The following YME1L1 variants were observed in gnomAD, a reference collection of about 807,000 sequenced individuals.
YME1L1 encodes the protein YME1 like 1 ATPase.
A neutral mutation model predicts 90.4 loss-of-function variants in YME1L1; 39 were observed. The ratio of observed to expected loss-of-function variants is 0.43; its 90% CI spans 0.33 to 0.56. The LOEUF is 0.56. Among genes scored for constraint, YME1L1 ranks in the 20% least tolerant of loss-of-function variants. The probability of loss-of-function intolerance (pLI) is 0.03; values close to 1 mark genes in which losing one functional copy is unlikely to be tolerated. For missense variants in YME1L1, 617 were observed against 868.4 expected (o/e 0.71, Z 3.64); for synonymous variants, 284 against 287.3 (o/e 0.99, Z 0.12).
chr10:27,152,441 G>A (rs1057514353), intron 1 of YME1L1, among the ~76,000 whole-genome samples: 1 of 152,106 alleles, frequency 6.6e-6, no homozygotes, highest in African/African-American at 2.4e-5. Flanking sequence ...CTATATTTGA[G>A]CCCTGTTAAG....
intron 5 of YME1L1, 40 bp downstream of exon 5, chr10:27,136,236 G>T: frequency 6.5e-7 from 1 of 1,538,126 alleles, no homozygotes; most frequent in Non-Finnish European, 8.9e-7. Context: ...CTAACAACTT[G>T]AAAATATTTG....
chr10:27,112,871 C>G (rs537206477), intron 18 of YME1L1, among the ~76,000 whole-genome samples: 17 of 152,040 alleles, frequency 1.1e-4, no homozygotes, highest in African/African-American at 3.1e-4. Flanking sequence ...GCTAATTTTT[C>G]TATGTTTTGT....
chr10:27,139,209 A>C (rs1190849470), intron 4 of YME1L1, among the ~76,000 whole-genome samples: 1 of 151,958 alleles, frequency 6.6e-6, no homozygotes, highest in African/African-American at 2.4e-5. Flanking sequence ...ACATATATAT[A>C]TTTTTTAGAT....
chr10:27,115,571 T>C (rs1011681728), intron 17 of YME1L1, among the ~76,000 whole-genome samples: 4 of 152,018 alleles, frequency 2.6e-5, no homozygotes, highest in Admixed American at 2.0e-4. Flanking sequence ...CTCCTCAGCC[T>C]CCCAAAGTGC....
chr10:27,141,827 A>G (rs932530997), intron 4 of YME1L1, among the ~76,000 whole-genome samples: 1 of 152,116 alleles, frequency 6.6e-6, no homozygotes, highest in African/African-American at 2.4e-5. Context: ...AAACAGAAGT[A>G]CTCACCTCTT....
chr10:27,122,516 T>A (rs915893516), intron 11 of YME1L1, among the ~76,000 whole-genome samples: 7 of 152,194 alleles, frequency 4.6e-5, no homozygotes, highest in Non-Finnish European at 8.8e-5. Flanking sequence ...CTGTATTTCT[T>A]CAAATAGACT....
chr10:27,136,447 A>G (rs2057028110), intron 4 of YME1L1, 62 bp from the exon 5 acceptor site: 4 of 1,373,484 alleles, frequency 2.9e-6, no homozygotes, highest in Non-Finnish European at 4.1e-6. Flanking sequence ...AAAATGCCTA[A>G]GATTCTAAAG....
In YME1L1 at chr10:27,134,053, T is replaced by A. The variant is rs1416928737; in HGVS notation, c.761A>T (p.Asn254Ile). The part of the protein sequence containing the change: ...LLFGIYGLLK[N>I]PFLSVRFRTT... ...AAAGCTTTTACCAGATAAAAATGGG[T>A]TTTTTAGAAGTCCATAAATGCCGAA... The change falls in exon 7 of 19, where the codon AAC becomes ATC. Residue 254 changes from asparagine (N) to isoleucine (I), a missense_variant. Physicochemically the swap from Asn to Ile is moderately radical, Grantham distance 149 (BLOSUM62 -3). Around this residue, in one of 4 missense-constraint regions of YME1L1, gnomAD observed 311 missense variants for 335.8 expected, o/e 0.93. Transcript: ENST00000376016. The A allele has an allele frequency of 5.6e-6, 9 of 1,611,792 alleles. No individual in the cohort carries two copies.
intron 18 of YME1L1, among the ~76,000 whole-genome samples, chr10:27,112,748 T>G (rs2056771089): frequency 6.6e-6 from 1 of 152,016 alleles, no homozygotes; most frequent in South Asian, 2.1e-4. Context: ...TTGCTTAGGC[T>G]GGAGTGAAGT....
chr10:27,143,451 G>A (rs959730398), intron 3 of YME1L1, among the ~76,000 whole-genome samples: 4 of 152,090 alleles, frequency 2.6e-5, no homozygotes, highest in African/African-American at 9.7e-5. Context: ...TGTAATCCCA[G>A]CACTTTGGGA....
chr10:27,133,065 T>A (rs985392846), intron 7 of YME1L1, among the ~76,000 whole-genome samples: 8 of 152,140 alleles, frequency 5.3e-5, no homozygotes, highest in African/African-American at 1.9e-4. Flanking sequence ...TTCTAATTGG[T>A]CACAGGTCTA....
chr10:27,151,136 A>T (rs2057210047), intron 1 of YME1L1, among the ~76,000 whole-genome samples: 1 of 152,198 alleles, frequency 6.6e-6, no homozygotes, highest in East Asian at 1.9e-4. Context: ...CATGTTAGCC[A>T]GGATCTTGAT....
Position 27,147,848 on chromosome 10 carries a change from G to GT in YME1L1, c.168+1057dup, listed in dbSNP as rs2057163045. ...AGCAGCTTCCCCTGGCACCACTCGT[G>GT]TAACAGCTTCTCTAGTAGGACACAT... On this transcript the variant is annotated intron_variant, in intron 2 of 18. Coordinates refer to ENST00000376016, the MANE Select transcript of YME1L1 (RefSeq NM_014263.4). Among the ~76,000 whole-genome samples, 3 of 152,298 alleles carry GT rather than the reference G, an allele frequency of 2.0e-5. No individual in the cohort carries two copies. The East Asian group carries it at 5.8e-4, about 29-fold the overall frequency.
At position 27,126,677 on chromosome 10, in the gene YME1L1, TAAAGA is replaced by T; in HGVS notation, c.949+14_949+18del. 1 of 1,328,390 alleles carries T rather than the reference TAAAGA, an allele frequency of 7.5e-7. No homozygotes were observed. Among genetic ancestry groups the T allele is most frequent in the African/African-American group, 1.5e-5 (1 of 66,408 alleles). 82.3% of individuals were successfully genotyped at this position (1,328,390 alleles called of 1,614,324 possible). A position where few individuals can be genotyped will look rare whatever the true frequency, so the allele number is the denominator to read the frequency against. ...TTTTGTTTTTTCCATCAAATCATGA[TAAAGA>T]AAAGATATCTTACCTTTTGGAAGTT... On this transcript the variant is annotated intron_variant, in intron 9 of 18. Coordinates refer to ENST00000376016, the MANE Select transcript of YME1L1 (RefSeq NM_014263.4).
At position 27,117,791 on chromosome 10, in the gene YME1L1, T is replaced by C; in HGVS notation, c.1568-64A>G. On this transcript the variant is annotated intron_variant, in intron 14 of 18. Transcript: ENST00000376016. ...GGTATATTTAAATCAACAAAACACA[T>C]TCTTGTCTGCAAATCAAATACACTC... 1.9e-6 allele frequency: 3 copies of C among 1,540,518 alleles called. No homozygotes were observed. The Admixed American group carries it at 5.2e-5, about 27-fold the overall frequency.
At chr10:27,117,261 G>A (rs577660443) in intron 15 of YME1L1, among the ~76,000 whole-genome samples, 12 of 152,236 alleles carry the variant, frequency 7.9e-5, no homozygotes, top group Admixed American at 3.3e-4. Context: ...TTGGGGCAGC[G>A]GAGTAATTAG....
At chr10:27,139,184 GATAC>G (rs1381836399) in intron 4 of YME1L1, among the ~76,000 whole-genome samples, 1 of 151,980 alleles carries the variant, frequency 6.6e-6, no homozygotes, top group East Asian at 1.9e-4. Context: ...TTCAGACACA[GATAC>G]ATACATATAT....
rs973776271 is a variant in YME1L1, at chr10:27,110,498, A to G, written c.*1479T>C. The G allele has an allele frequency of 2.0e-5, 3 of 152,220 alleles. No homozygotes were observed. The highest frequency in any genetic ancestry group is 4.4e-5 in the Non-Finnish European group (3 of 68,048). 9.4% of individuals were successfully genotyped at this position (152,220 alleles called of 1,614,324 possible). A position where few individuals can be genotyped will look rare whatever the true frequency, so the allele number is the denominator to read the frequency against. On this transcript the variant is annotated 3_prime_UTR_variant, in exon 19 of 19. Coordinates refer to ENST00000376016, the MANE Select transcript of YME1L1 (RefSeq NM_014263.4). Reference sequence around the variant, plus strand: ...AATTTTAATGAAGTCAACGTCAAGAATATAATCTGGTTGTAATACCAATAC... The same window carrying G: ...AATTTTAATGAAGTCAACGTCAAGAGTATAATCTGGTTGTAATACCAATAC...
rs567299586 is a variant in YME1L1, at chr10:27,148,266, G to A, written c.168+640C>T. On this transcript the variant is annotated intron_variant, in intron 2 of 18. Coordinates refer to ENST00000376016, the MANE Select transcript of YME1L1 (RefSeq NM_014263.4). ...CACCCAGGCTGGAGTGCAGTGGTGCGATCTTGGCTCACAGCGACCTCTGCC... is the reference window on the plus strand; with the variant it reads ...CACCCAGGCTGGAGTGCAGTGGTGCAATCTTGGCTCACAGCGACCTCTGCC... 4.2e-4 allele frequency among the ~76,000 whole-genome samples: 64 copies of A among 152,008 alleles called. 3 individuals carry two copies. The South Asian group carries it at 0.012, about 29-fold the overall frequency.
Sources: allele counts gnomAD v4.1 joint callset (sites outside exome capture counted in the v4.1 genomes callset), GRCh38; gene constraint gnomAD v4.1.1; regional missense constraint gnomAD v4.1.1; transcripts MANE v1.5; gene names NCBI Gene and HGNC (gene_info 2026-07-23, HGNC 2026-07-21).